Variants in SMYD1 observed in about 807,000 individuals in gnomAD.
The protein encoded by SMYD1 is histone-lysine N-methyltransferase SMYD1.
Under a neutral mutation model 54.0 loss-of-function variants are expected in SMYD1, and 49 were observed. The observed-to-expected ratio is 0.91, with a 90% confidence interval of 0.72 to 1.15. The LOEUF (loss-of-function observed/expected upper bound fraction) is 1.15. Ranked by LOEUF, SMYD1 falls within the 50% of genes most tolerant of loss-of-function variation. The pLI is 0.00. For synonymous variants in SMYD1, 269 were observed against 234.2 expected, an observed-to-expected ratio of 1.15 and a Z score of -1.36; for missense variants, 653 against 639.6, an observed-to-expected ratio of 1.02 and a Z score of -0.23.
intron 5 of SMYD1, 139 bp from the exon 6 acceptor site, chr2:88,096,456 T>G: frequency 1.3e-6 from 1 of 747,058 alleles, no homozygotes; most frequent in Non-Finnish European, 2.3e-6. Flanking sequence ...CATTTCTCCT[T>G]TTGTGGGGTC....
At chr2:88,095,238 G>T (rs994554183) in intron 5 of SMYD1, among the ~76,000 whole-genome samples, 1 of 152,140 alleles carries the variant, frequency 6.6e-6, no homozygotes, top group Non-Finnish European at 1.5e-5. Flanking sequence ...TATAGTAACC[G>T]CTGCTGCTGA....
chr2:88,086,887 G>A, intron 2 of SMYD1, among the ~76,000 whole-genome samples: 1 of 148,624 alleles, frequency 6.7e-6, no homozygotes. Context: ...ACATTGTGCA[G>A]GTTAGTTACA....
rs1299575818 is a variant in SMYD1, at chr2:88,108,546, A to G, written c.1314+7A>G. ...CATCACTAAGGACTTAGAGGCAAGT[A>G]GCGTCTTGAGGCTGGTGTTCCCTTC... On this transcript the variant is annotated splice_region_variant and intron_variant, in intron 9 of 9. Transcript: ENST00000419482. The G allele has an allele frequency of 6.4e-7, 1 of 1,571,580 alleles. No individual in the cohort carries two copies. Among genetic ancestry groups the G allele is most frequent in the Non-Finnish European group, 8.6e-7 (1 of 1,158,130 alleles).
chr2:88,103,559 C>T (rs374436637), intron 7 of SMYD1, among the ~76,000 whole-genome samples: 3 of 152,100 alleles, frequency 2.0e-5, no homozygotes, highest in Admixed American at 2.0e-4. Context: ...AGCATTCAAC[C>T]TTGGCTCTTG....
chr2:88,100,068 T>A (rs75573482), intron 6 of SMYD1, among the ~76,000 whole-genome samples: 31,922 of 146,470 alleles, frequency 0.22, 3,467 homozygotes, highest in Middle Eastern at 0.27. Flanking sequence ...TCCCCCCCTC[T>A]TCCTCCTTGT....
At chr2:88,097,252 G>A (rs1428486500) in intron 6 of SMYD1, among the ~76,000 whole-genome samples, 1 of 152,176 alleles carries the variant, frequency 6.6e-6, no homozygotes, top group African/African-American at 2.4e-5. Context: ...GCAGTGTGGA[G>A]ACAGGGCTAG....
intron 1 of SMYD1, among the ~76,000 whole-genome samples, chr2:88,073,771 T>C (rs1673998544): frequency 6.6e-6 from 1 of 152,238 alleles, no homozygotes; most frequent in Non-Finnish European, 1.5e-5. Context: ...TTTTTCATGT[T>C]TGTCAACTTA....
intron 9 of SMYD1, 147 bp from the exon 10 acceptor site, chr2:88,110,207 G>GTGTGTGTGTA (rs1674982725): frequency 1.4e-6 from 1 of 731,654 alleles, no homozygotes; most frequent in Non-Finnish European, 2.2e-6. Flanking sequence ...ATGAGTGTGT[G>GTGTGTGTGTA]TGTGTGTGTG....
At chr2:88,096,887 A>C (rs902048687) in intron 6 of SMYD1, 103 bp downstream of exon 6, 45 of 1,187,036 alleles carry the variant, frequency 3.8e-5, no homozygotes, top group Non-Finnish European at 4.9e-5. Flanking sequence ...TGAGCTTCCT[A>C]GGGAGCAACT....
chr2:88,106,418 G>C lies in SMYD1; in HGVS notation c.1075G>C (p.Glu359Gln). The change falls in exon 8 of 10, where the codon GAG (glutamate) becomes CAG (glutamine). Residue 359 changes from glutamate (E) to glutamine (Q), a missense_variant. Coordinates refer to ENST00000419482, the MANE Select transcript of SMYD1 (RefSeq NM_198274.4). The part of the protein sequence containing the change: ...YMLRMLSIVS[E>Q]VLSYLQAFEE... ...GCTGCGGATGCTGAGCATTGTTTCG[G>C]AGGTCCTTTCCTACCTCCAGGCCTT... 6.2e-7 allele frequency: 1 copy of C among 1,614,170 alleles called. No individual in the cohort carries two copies. Among genetic ancestry groups the C allele is most frequent in the Non-Finnish European group, 8.5e-7 (1 of 1,180,038 alleles).
chr2:88,110,509 A>T lies in SMYD1; in HGVS notation c.1470A>T (p.Gln490His). 11 of 1,576,390 alleles carry T rather than the reference A, an allele frequency of 7.0e-6. No homozygotes were observed. Among genetic ancestry groups the T allele is most frequent in the Non-Finnish European group, 8.6e-6 (10 of 1,159,942 alleles). The change falls in exon 10 of 10, where the codon CAA becomes CAT. Residue 490 changes from glutamine (Q) to histidine (H), a missense_variant. By Grantham distance (24) the Gln-to-His change is conservative. Coordinates refer to ENST00000419482, the MANE Select transcript of SMYD1 (RefSeq NM_198274.4). ...EPSPALFHKK[Q>H] The stretch of plus-strand genomic sequence containing the variant: ...CCCCAGCTCTGTTCCACAAGAAGCA[A>T]TGAGGACTGCCCAGTGGAGGAGGGG...
At chr2:88,107,179 C>A (rs763978942) in intron 8 of SMYD1, among the ~76,000 whole-genome samples, 2 of 151,566 alleles carry the variant, frequency 1.3e-5, no homozygotes, top group Non-Finnish European at 2.9e-5. Flanking sequence ...CCAGCCTGGG[C>A]GACAGAGCAA....
rs755324631 is a variant in SMYD1 at position 88,106,420 on chromosome 2, G to T, written c.1077G>T (p.Glu359Asp). ...YMLRMLSIVSEVLSYLQAFEE... is the reference protein window; with the variant it reads ...YMLRMLSIVSDVLSYLQAFEE... ...TGCGGATGCTGAGCATTGTTTCGGAGGTCCTTTCCTACCTCCAGGCCTTTG... is the reference window on the plus strand; with the variant it reads ...TGCGGATGCTGAGCATTGTTTCGGATGTCCTTTCCTACCTCCAGGCCTTTG... Residue 359 changes from glutamate (E) to aspartate (D), a missense_variant, in exon 8 of 10, where the codon GAG (glutamate) becomes GAT (aspartate). Transcript: ENST00000419482. 4.3e-6 allele frequency: 7 copies of T among 1,614,038 alleles called. No homozygotes were observed. The South Asian group carries it at 6.6e-5, about 15-fold the overall frequency.
intron 7 of SMYD1, among the ~76,000 whole-genome samples, chr2:88,104,678 T>C (rs1674816753): frequency 6.6e-6 from 1 of 152,270 alleles, no homozygotes; most frequent in Non-Finnish European, 1.5e-5. Flanking sequence ...TCGGGTTGCC[T>C]CATGAACTCT....
intron 3 of SMYD1, among the ~76,000 whole-genome samples, chr2:88,089,218 C>T (rs562968764): frequency 6.6e-5 from 10 of 152,302 alleles, no homozygotes; most frequent in African/African-American, 2.4e-4. Context: ...TTCAGGTCTT[C>T]AACTGATTAA....
In SMYD1 at chr2:88,108,439, A is replaced by T; in HGVS notation, c.1214A>T (p.His405Leu). ...ATGCGGGCAGGGCTGACCAACTGGC[A>T]TGCTGGTAACATTGAGGTGGGGCAC... ...AVMRAGLTNW[H>L]AGNIEVGHGM... The change falls in exon 9 of 10, where the codon CAT becomes CTT. Residue 405 changes from histidine to leucine, a missense_variant. Physicochemically the swap from His to Leu is moderately conservative, Grantham distance 99. Transcript: ENST00000419482. The T allele has an allele frequency of 6.2e-7, 1 of 1,613,256 alleles. No homozygotes were observed.
chr2:88,098,741 C>T (rs1247120841), intron 6 of SMYD1, among the ~76,000 whole-genome samples: 3 of 152,164 alleles, frequency 2.0e-5, no homozygotes, highest in African/African-American at 4.8e-5. Context: ...GCCTCAGTTT[C>T]CTCATCTGTA....
chr2:88,093,610 C>G, intron 5 of SMYD1, 55 bp downstream of exon 5: 1 of 1,605,562 alleles, frequency 6.2e-7, no homozygotes, highest in South Asian at 1.1e-5. Flanking sequence ...CCTCACTTAC[C>G]TGGTTTGCTG....
intron 7 of SMYD1, among the ~76,000 whole-genome samples, chr2:88,104,328 T>C (rs188331007): frequency 6.6e-6 from 1 of 152,204 alleles, no homozygotes; most frequent in Non-Finnish European, 1.5e-5. Flanking sequence ...TTATTGCACA[T>C]TTCTAAACCC....
Sources: allele counts gnomAD v4.1 joint callset (sites outside exome capture counted in the v4.1 genomes callset), GRCh38; gene constraint gnomAD v4.1.1; transcripts MANE v1.5; gene names NCBI Gene and HGNC (gene_info 2026-07-23, HGNC 2026-07-21).